Variants in ARHGEF7 observed in about 807,000 individuals in gnomAD.
ARHGEF7 encodes PAK-interacting exchange factor beta.
Under a neutral mutation model 109.8 loss-of-function variants are expected in ARHGEF7, and 33 were observed. That is an observed-to-expected ratio of 0.30 (90% CI 0.23 to 0.40). The LOEUF is 0.40. ARHGEF7 is among the 10% of genes least tolerant of loss of function. ARHGEF7 has a pLI of 1.00. For synonymous variants in ARHGEF7, 458 were observed against 424.6 expected (o/e 1.08, Z -0.97); for missense variants, 938 against 1,098.5 (o/e 0.85, Z 2.07).
intron 2 of ARHGEF7, among the ~76,000 whole-genome samples, chr13:111,167,147 G>A (rs923490231): frequency 6.6e-6 from 1 of 152,118 alleles, no homozygotes; most frequent in Non-Finnish European, 1.5e-5. Context: ...GGGTACTTAG[G>A]TCCTCTTTAT....
rs550245617 is a variant in ARHGEF7 at position 111,181,805 on chromosome 13, C to A, written c.253-23484C>A. On this transcript the variant is annotated intron_variant, in intron 2 of 21. Transcript: ENST00000646102. ...GGACTCAGAGAGGGGAAGAAACATTCCAGGTGGAAACAGGAAAGAGCTTCA... is the reference window on the plus strand; with the variant it reads ...GGACTCAGAGAGGGGAAGAAACATTACAGGTGGAAACAGGAAAGAGCTTCA... 2.2e-3 allele frequency among the ~76,000 whole-genome samples: 342 copies of A among 152,242 alleles called. 1 individual carries two copies. Among genetic ancestry groups the A allele is most frequent in the South Asian group, 2.7e-3 (13 of 4,820 alleles).
At chr13:111,265,599 A>G in intron 8 of ARHGEF7, 3 of 456,742 alleles carry the variant, frequency 6.6e-6, no homozygotes, top group South Asian at 1.5e-5. Context: ...GCAGGGTTGA[A>G]AGGCATGCCT....
intron 16 of ARHGEF7, 184 bp downstream of exon 16, chr13:111,283,547 T>C (rs2092884370): frequency 2.9e-6 from 2 of 692,856 alleles, no homozygotes; most frequent in South Asian, 6.5e-5. Flanking sequence ...CGTGGTAACC[T>C]GTGTGGGAAG....
chr13:111,115,314 G>A lies in ARHGEF7; in HGVS notation c.-213G>A, dbSNP rs980219408. ...GGGGGGCGGCGGCGGGCGCCCGCAGGTTCCCGAGCCGCTCCTGAGAAGGCG... is the reference window on the plus strand; with the variant it reads ...GGGGGGCGGCGGCGGGCGCCCGCAGATTCCCGAGCCGCTCCTGAGAAGGCG... On this transcript the variant is annotated 5_prime_UTR_variant, in exon 1 of 22. Coordinates refer to ENST00000646102, the MANE Select transcript of ARHGEF7 (RefSeq NM_001354046.2). The A allele has an allele frequency of 7.4e-4, 126 of 171,120 alleles. No individual in the cohort carries two copies. Among genetic ancestry groups the A allele is most frequent in the Non-Finnish European group, 9.7e-4 (86 of 88,252 alleles). 10.6% of individuals were successfully genotyped at this position (171,120 alleles called of 1,614,324 possible).
chr13:111,292,639 C>A (rs1861903749), intron 19 of ARHGEF7: 3 of 1,160,780 alleles, frequency 2.6e-6, no homozygotes, highest in Non-Finnish European at 3.2e-6. Context: ...TGTTTGATTT[C>A]TTTCTGGATA....
At chr13:111,287,587 G>A (rs2093075827) in intron 17 of ARHGEF7, among the ~76,000 whole-genome samples, 1 of 152,270 alleles carries the variant, frequency 6.6e-6, no homozygotes, top group South Asian at 2.1e-4. Context: ...CAGAGACCCA[G>A]TGGGGAGGAC....
intron 9 of ARHGEF7, among the ~76,000 whole-genome samples, chr13:111,267,874 C>T (rs987515637): frequency 3.3e-5 from 5 of 152,040 alleles, no homozygotes; most frequent in South Asian, 2.1e-4. Flanking sequence ...CAAATCTTTT[C>T]AATGTTTTCC....
At chr13:111,291,990 C>A in intron 18 of ARHGEF7, 128 bp from the exon 19 acceptor site, 2 of 763,432 alleles carry the variant, frequency 2.6e-6, no homozygotes, top group Non-Finnish European at 4.1e-6. Flanking sequence ...ATTTTTAACA[C>A]TATTTTCTCT....
intron 6 of ARHGEF7, 63 bp from the exon 7 acceptor site, chr13:111,243,809 A>G (rs2088271990): frequency 9.2e-7 from 1 of 1,083,120 alleles, no homozygotes; most frequent in Admixed American, 2.0e-5. Flanking sequence ...TCCAAAGTGT[A>G]TAAATCTTAG....
At chr13:111,211,884 G>A (rs1311690933) in intron 4 of ARHGEF7, among the ~76,000 whole-genome samples, 1 of 152,172 alleles carries the variant, frequency 6.6e-6, no homozygotes, top group African/African-American at 2.4e-5. Flanking sequence ...AAGCTAAAAG[G>A]CAACTTGCAG....
intron 2 of ARHGEF7, among the ~76,000 whole-genome samples, chr13:111,192,281 C>T (rs965686185): frequency 3.9e-5 from 6 of 152,052 alleles, no homozygotes; most frequent in South Asian, 2.1e-4. Context: ...AGAGGATTAC[C>T]GAGTGTGGTC....
rs2091491754 is a variant in ARHGEF7, at chr13:111,265,124, C to CCA, written c.951-2424_951-2423insCA. On this transcript the variant is annotated intron_variant, in intron 8 of 21. Coordinates refer to ENST00000646102, the MANE Select transcript of ARHGEF7 (RefSeq NM_001354046.2). ...GGGTAACAAGAGAGAAACTCCATCT[C>CCA]AAAAAAAAAAAAAAAAAAAAAAAGA... 4.3e-5 allele frequency among the ~76,000 whole-genome samples: 3 copies of CCA among 69,464 alleles called. No individual in the cohort carries two copies. In the Admixed American group the frequency reaches 5.0e-4, roughly 12 times the overall value. 45.6% of individuals were successfully genotyped at this position (69,464 alleles called of 152,430 possible). A position where few individuals can be genotyped will look rare whatever the true frequency, so the allele number is the denominator to read the frequency against.
chr13:111,196,683 AT>A (rs1374982526), intron 2 of ARHGEF7, among the ~76,000 whole-genome samples: 1 of 151,700 alleles, frequency 6.6e-6, no homozygotes. Flanking sequence ...GGCAGGGGAG[AT>A]TAGAGGAGGC....
intron 21 of ARHGEF7, among the ~76,000 whole-genome samples, chr13:111,302,442 T>C (rs1438764453): frequency 6.6e-6 from 1 of 152,256 alleles, no homozygotes; most frequent in Admixed American, 6.5e-5. Flanking sequence ...GCTGTCATTC[T>C]AAGCAGTGTC....
intron 13 of ARHGEF7, among the ~76,000 whole-genome samples, chr13:111,279,515 G>A (rs1437080110): frequency 6.6e-6 from 1 of 152,254 alleles, no homozygotes; most frequent in East Asian, 1.9e-4. Context: ...CTCCGCAGCT[G>A]ATGGAGTGCT....
intron 5 of ARHGEF7, among the ~76,000 whole-genome samples, chr13:111,219,046 T>A (rs2083487070): frequency 6.6e-6 from 1 of 152,192 alleles, no homozygotes; most frequent in African/African-American, 2.4e-5. Flanking sequence ...CAGTTCGCCA[T>A]TTTTACCAGT....
At chr13:111,241,088 G>C in intron 6 of ARHGEF7, 1 of 1,468,930 alleles carries the variant, frequency 6.8e-7, no homozygotes, top group Non-Finnish European at 9.0e-7. Flanking sequence ...GGATTGAGTG[G>C]CACCAGTGTT....
intron 1 of ARHGEF7, among the ~76,000 whole-genome samples, chr13:111,128,069 TA>T (rs1238312004): frequency 2.6e-5 from 4 of 152,178 alleles, no homozygotes; most frequent in African/African-American, 9.7e-5. Flanking sequence ...CTCAACATGC[TA>T]AGGGGCATCC....
chr13:111,123,865 C>A (rs75418774), intron 1 of ARHGEF7, among the ~76,000 whole-genome samples: 1 of 35,982 alleles, frequency 2.8e-5, no homozygotes, highest in Non-Finnish European at 7.1e-5. Context: ...GGGCTGCGCC[C>A]CCCCCCCCCG....
Sources: gnomAD v4.1 joint callset for allele counts (sites outside exome capture counted in the v4.1 genomes callset) on GRCh38, gnomAD v4.1.1 for gene constraint, MANE v1.5 for transcripts, NCBI Gene and HGNC (gene_info 2026-07-23, HGNC 2026-07-21) for gene names.